Variants in BAZ1A observed in about 807,000 individuals in gnomAD.
BAZ1A encodes the protein bromodomain adjacent to zinc finger domain protein 1A.
Under a neutral mutation model 185.2 loss-of-function variants are expected in BAZ1A, and 50 were observed. The observed-to-expected ratio is 0.27, with a 90% CI of 0.22 to 0.34. BAZ1A has a LOEUF of 0.34. Ranked by LOEUF, BAZ1A falls within the 10% of genes least tolerant of loss-of-function variation. The pLI is 1.00. For synonymous variants in BAZ1A, 571 were observed against 615.6 expected (o/e 0.93, Z 1.07); for missense variants, 1,356 against 1,839.9 (o/e 0.74, Z 4.81).
At chr14:34,858,312 C>G (rs1411387995) in intron 3 of BAZ1A, among the ~76,000 whole-genome samples, 1 of 152,076 alleles carries the variant, frequency 6.6e-6, no homozygotes, top group Non-Finnish European at 1.5e-5. Flanking sequence ...GACTGGAGTG[C>G]AGTGGCGTGA....
At chr14:34,804,109 G>A (rs1453758214) in intron 6 of BAZ1A, among the ~76,000 whole-genome samples, 1 of 152,174 alleles carries the variant, frequency 6.6e-6, no homozygotes, top group Non-Finnish European at 1.5e-5. Flanking sequence ...CTAGGTTCAA[G>A]TGATTCTCCT....
At chr14:34,792,098 T>C (rs1880882679) in intron 12 of BAZ1A, among the ~76,000 whole-genome samples, 1 of 152,206 alleles carries the variant, frequency 6.6e-6, no homozygotes, top group Non-Finnish European at 1.5e-5. Context: ...TTAAAGTATT[T>C]CCTGGTCAGG....
At position 34,773,630 on chromosome 14, in the gene BAZ1A, TCA is replaced by T. The variant is rs1330934731; in HGVS notation, c.3092_3093del (p.Val1031GlufsTer2). The T allele has an allele frequency of 1.2e-6, 2 of 1,613,302 alleles. No homozygotes were observed. Among genetic ancestry groups the T allele is most frequent in the Non-Finnish European group, 1.7e-6 (2 of 1,179,508 alleles). ...ATTTCCATCTCTTCTACGTCTTCAT[TCA>T]CAGTTTTAATTATCCCATTTTCCTT... is the stretch of plus-strand genomic sequence containing the variant. ...ENKENGIIKT[V>X]NEDVEEMEID... On this transcript the variant is annotated frameshift_variant, in exon 20 of 27. Transcript: ENST00000360310. LOFTEE classifies it high-confidence loss of function.
chr14:34,820,131 T>G (rs1043041691), intron 4 of BAZ1A, among the ~76,000 whole-genome samples: 10 of 144,096 alleles, frequency 6.9e-5, no homozygotes, highest in African/African-American at 1.0e-4. Context: ...CGTTTTTTTT[T>G]TTTTTTTTTT....
intron 5 of BAZ1A, 51 bp downstream of exon 5, chr14:34,810,884 A>G (rs373452761): frequency 3.8e-6 from 5 of 1,304,190 alleles, no homozygotes; most frequent in Non-Finnish European, 5.5e-6. Context: ...TTAATCTAAC[A>G]TACATAATTA....
At position 34,752,788 on chromosome 14, in the gene BAZ1A, T is replaced by C. The variant is rs1886069997; in HGVS notation, c.*720A>G. 1 of 152,224 alleles carries C rather than the reference T, an allele frequency of 6.6e-6. No homozygotes were observed. Among genetic ancestry groups the C allele is most frequent in the Non-Finnish European group, 1.5e-5 (1 of 68,046 alleles). 9.4% of individuals were successfully genotyped at this position (152,224 alleles called of 1,614,324 possible). On this transcript the variant is annotated 3_prime_UTR_variant, in exon 27 of 27. Transcript: ENST00000360310. ...TTAAAAAGTTATACATAGAAACTTA[T>C]AATACAGTTCTGTAAAGCTGAAAGA...
chr14:34,860,966 A>G (rs2042759831), intron 3 of BAZ1A, among the ~76,000 whole-genome samples: 1 of 152,172 alleles, frequency 6.6e-6, no homozygotes, highest in Non-Finnish European at 1.5e-5. Context: ...ATATAAACAC[A>G]TTTGGTTGCT....
intron 4 of BAZ1A, among the ~76,000 whole-genome samples, chr14:34,818,513 C>T (rs1229676977): frequency 6.6e-6 from 1 of 152,102 alleles, no homozygotes; most frequent in Admixed American, 6.5e-5. Flanking sequence ...ATAACTATCA[C>T]CCAAAGTCAA....
intron 3 of BAZ1A, among the ~76,000 whole-genome samples, chr14:34,828,288 C>T (rs111447196): frequency 0.074 from 8,371 of 113,196 alleles, 278 homozygotes; most frequent in Middle Eastern, 0.1. Flanking sequence ...AGCGAAACTC[C>T]GTCTCAAAAA....
chr14:34,874,293 C>T lies in BAZ1A; in HGVS notation c.113+199G>A, dbSNP rs1414918155. On this transcript the variant is annotated intron_variant, in intron 2 of 26. Coordinates refer to ENST00000360310, the MANE Select transcript of BAZ1A (RefSeq NM_013448.3). The surrounding 1 kb of genome is among the most constrained non-coding windows in gnomAD (Gnocchi z 4.7). ...CTCCGCCACTACCAACCCGCGTTCC[C>T]CACGCGCGCCGCCGCCAGTTGGCCC... 1.6e-5 allele frequency: 9 copies of T among 555,626 alleles called. No individual in the cohort carries two copies. Among genetic ancestry groups the T allele is most frequent in the Non-Finnish European group, 2.2e-5 (7 of 316,532 alleles). 34.4% of individuals were successfully genotyped at this position (555,626 alleles called of 1,614,324 possible). A position where few individuals can be genotyped will look rare whatever the true frequency, so the allele number is the denominator to read the frequency against.
chr14:34,856,557 C>T (rs1295056641), intron 3 of BAZ1A, among the ~76,000 whole-genome samples: 2 of 152,018 alleles, frequency 1.3e-5, no homozygotes, highest in Non-Finnish European at 2.9e-5. Flanking sequence ...AGTATCTAGC[C>T]TGTAAGAAGC....
chr14:34,796,556 C>A (rs994501267), intron 9 of BAZ1A, among the ~76,000 whole-genome samples: 11 of 152,150 alleles, frequency 7.2e-5, no homozygotes, highest in African/African-American at 2.7e-4. Context: ...GGACTTATTT[C>A]TTATAATTCA....
At chr14:34,820,631 A>G (rs2042075843) in intron 4 of BAZ1A, among the ~76,000 whole-genome samples, 1 of 152,168 alleles carries the variant, frequency 6.6e-6, no homozygotes, top group African/African-American at 2.4e-5. Context: ...CTTTTGTGTT[A>G]TATCTAAAAA....
chr14:34,874,596 C>A lies in BAZ1A; in HGVS notation c.9G>T (p.Leu3=). Residue 3 remains leucine (L), a synonymous_variant, in exon 2 of 27, where the codon CTG becomes CTT. Transcript: ENST00000360310. The surrounding 1 kb of genome is among the most constrained non-coding windows in gnomAD (Gnocchi z 4.7). ...GTCTCACAAACGGCTTTCGGTGTAG[C>A]AGCGGCATCTCCCGTCCGCCCGCGG... The part of the protein sequence containing the change: MP[L]LHRKPFVRQK... 1.2e-6 allele frequency: 2 copies of A among 1,607,244 alleles called. No individual in the cohort carries two copies. Among genetic ancestry groups the A allele is most frequent in the Non-Finnish European group, 1.7e-6 (2 of 1,176,874 alleles).
At position 34,762,081 on chromosome 14, in the gene BAZ1A, C is replaced by G. The variant is rs745307605; in HGVS notation, c.3919G>C (p.Val1307Leu). The G allele has an allele frequency of 1.0e-4, 162 of 1,614,034 alleles. No individual in the cohort carries two copies. Among genetic ancestry groups the G allele is most frequent in the Non-Finnish European group, 1.3e-4 (156 of 1,180,042 alleles). Reference protein sequence around the residue: ...RSQQSTPKTTVSSKTGRSLRK... With the variant: ...RSQQSTPKTTLSSKTGRSLRK... Reference sequence around the variant, plus strand: ...AGGCTTCTACCAGTTTTAGAAGAAACAGTTGTTTTGGGTGTGCTCTGCTGA... The same window carrying G: ...AGGCTTCTACCAGTTTTAGAAGAAAGAGTTGTTTTGGGTGTGCTCTGCTGA... The change falls in exon 24 of 27, where the codon GTT becomes CTT. Residue 1307 changes from valine (V) to leucine (L), a missense_variant. Val to Leu is a conservative substitution (Grantham distance 32, BLOSUM62 1). This residue lies in a region of BAZ1A where 309 missense variants were observed against 355.3 expected (regional missense o/e 0.87). Coordinates refer to ENST00000360310, the MANE Select transcript of BAZ1A (RefSeq NM_013448.3).
At chr14:34,779,436 G>A (rs1271604789) in intron 17 of BAZ1A, among the ~76,000 whole-genome samples, 1 of 145,340 alleles carries the variant, frequency 6.9e-6, no homozygotes, top group East Asian at 1.9e-4. Context: ...TGTTTTAAAA[G>A]CTCTGATCAT....
chr14:34,869,107 T>G (rs952018882), intron 2 of BAZ1A, among the ~76,000 whole-genome samples: 1 of 151,844 alleles, frequency 6.6e-6, no homozygotes, highest in African/African-American at 2.4e-5. Flanking sequence ...CTCGGGAGGC[T>G]GAGGCAGGAG....
At position 34,802,970 on chromosome 14, in the gene BAZ1A, A is replaced by G; in HGVS notation, c.745T>C (p.Tyr249His). The change falls in exon 7 of 27, where the codon TAT (tyrosine) becomes CAT (histidine). Residue 249 changes from tyrosine to histidine, a missense_variant. Coordinates refer to ENST00000360310, the MANE Select transcript of BAZ1A (RefSeq NM_013448.3). ...IKIKASSLST[Y>H]KIAEQDFSYF... The stretch of plus-strand genomic sequence containing the variant: ...GAAAAATCTTGTTCTGCTATTTTAT[A>G]CGTTGAAAGAGATGATGCCTTAATA... The G allele has an allele frequency of 6.2e-7, 1 of 1,611,240 alleles. No homozygotes were observed. Among genetic ancestry groups the G allele is most frequent in the Non-Finnish European group, 8.5e-7 (1 of 1,177,514 alleles).
chr14:34,866,123 G>A (rs542570156), intron 2 of BAZ1A, among the ~76,000 whole-genome samples: 13 of 152,276 alleles, frequency 8.5e-5, no homozygotes, highest in African/African-American at 2.6e-4. Context: ...AGGAGTTCAA[G>A]GCTGCAGTGA....
Sources: gnomAD v4.1 joint callset for allele counts (sites outside exome capture counted in the v4.1 genomes callset) on GRCh38, gnomAD v4.1.1 for gene constraint, gnomAD v4.1.1 regional missense constraint, Gnocchi (gnomAD v3.1) non-coding constraint, MANE v1.5 for transcripts, NCBI Gene and HGNC (gene_info 2026-07-23, HGNC 2026-07-21) for gene names.